Variants in GMDS observed in about 807,000 individuals in gnomAD.
GMDS encodes GDP-mannose 4,6 dehydratase.
In GMDS, 20 loss-of-function variants were observed where a neutral mutation model predicts 49.9. That is an observed-to-expected ratio of 0.40 (90% CI 0.28 to 0.58). GMDS has a LOEUF of 0.58. Among genes scored for constraint, GMDS ranks in the 20% least tolerant of loss-of-function variants. GMDS has a pLI of 0.42. For missense variants in GMDS, 362 were observed against 481.4 expected, an observed-to-expected ratio of 0.75 and a Z score of 2.32; for synonymous variants, 177 against 178.6, an observed-to-expected ratio of 0.99 and a Z score of 0.07.
rs542421435 is a variant in GMDS at position 1,997,507 on chromosome 6, CA to C, written c.346-36542del. Among the ~76,000 whole-genome samples the C allele has an allele frequency of 7.7e-3, 473 of 61,604 alleles. 2 individuals carry two copies. The highest frequency in any genetic ancestry group is 0.02 in the East Asian group (30 of 1,470). The allele number at this position is 61,604 out of a possible 152,430, so 40.4% of individuals were successfully genotyped here. A position where few individuals can be genotyped will look rare whatever the true frequency, so the allele number is the denominator to read the frequency against. ...TGGGAGACAGAGTGAGACTCTGTCTCAAAAAAAAAAAAAAAAAAAAGATGTG... is the reference window on the plus strand; with the variant it reads ...TGGGAGACAGAGTGAGACTCTGTCTCAAAAAAAAAAAAAAAAAAAGATGTG... On this transcript the variant is annotated intron_variant, in intron 4 of 10. Coordinates refer to ENST00000380815, the MANE Select transcript of GMDS (RefSeq NM_001500.4).
intron 1 of GMDS, among the ~76,000 whole-genome samples, chr6:2,227,999 C>T (rs760453651): frequency 2.0e-5 from 3 of 152,324 alleles, no homozygotes; most frequent in African/African-American, 4.8e-5. Flanking sequence ...GCTGGGTCTA[C>T]GCAGTGAAGT....
At chr6:1,950,755 G>A (rs1763297700) in intron 6 of GMDS, among the ~76,000 whole-genome samples, 2 of 152,184 alleles carry the variant, frequency 1.3e-5, no homozygotes, top group South Asian at 2.1e-4. Flanking sequence ...ATCTGTTACA[G>A]GTGGCATTCA....
intron 7 of GMDS, among the ~76,000 whole-genome samples, chr6:1,854,312 C>G (rs1213585027): frequency 1.3e-5 from 2 of 152,128 alleles, no homozygotes; most frequent in Non-Finnish European, 1.5e-5. Context: ...TTACTGCAAA[C>G]AAGGGCAAAA....
At chr6:2,115,670 A>G in intron 4 of GMDS, 101 bp downstream of exon 4, 1 of 708,176 alleles carries the variant, frequency 1.4e-6, no homozygotes, top group Non-Finnish European at 2.6e-6. Flanking sequence ...CTTGAAGACT[A>G]AGACCAGTGA....
At chr6:1,734,369 C>A (rs777492000) in intron 8 of GMDS, among the ~76,000 whole-genome samples, 2 of 152,198 alleles carry the variant, frequency 1.3e-5, no homozygotes, top group African/African-American at 4.8e-5. Flanking sequence ...ATTTCTCTAT[C>A]GTGGGGCCCT....
At chr6:2,183,303 C>CATTAACATAAGTTTGGAACTT (rs565863255) in intron 1 of GMDS, among the ~76,000 whole-genome samples, 3 of 152,106 alleles carry the variant, frequency 2.0e-5, no homozygotes, top group East Asian at 1.9e-4. Flanking sequence ...AAAATAGCAA[C>CATTAACATAAGTTTGGAACTT]ATTAACATAA....
intron 7 of GMDS, among the ~76,000 whole-genome samples, chr6:1,791,625 A>G (rs1769546278): frequency 3.3e-5 from 5 of 152,180 alleles, no homozygotes; most frequent in Admixed American, 3.3e-4. Context: ...GTTTTAAGTC[A>G]CTGGTTTTGT....
rs1485875719 is a variant in GMDS at position 1,952,013 on chromosome 6, A to T, written c.643+7854T>A. On this transcript the variant is annotated intron_variant, in intron 6 of 10. Transcript: ENST00000380815. ...AAATTCGTATATATGTTATTTCCAC[A>T]AATATGTACAATATTTACATGACTT... 4 of 978,960 alleles carry T rather than the reference A, an allele frequency of 4.1e-6. No homozygotes were observed. In the African/African-American group the frequency reaches 7.0e-5, roughly 17 times the overall value. The allele number at this position is 978,960 out of a possible 1,614,324, so 60.6% of individuals were successfully genotyped here.
intron 9 of GMDS, among the ~76,000 whole-genome samples, chr6:1,722,419 A>C (rs545513564): frequency 6.6e-6 from 1 of 151,776 alleles, no homozygotes; most frequent in Non-Finnish European, 1.5e-5. Flanking sequence ...TGCAATCTCC[A>C]CAAGGGTGGG....
intron 9 of GMDS, among the ~76,000 whole-genome samples, chr6:1,647,626 T>G (rs1004493526): frequency 6.6e-6 from 1 of 152,182 alleles, no homozygotes; most frequent in African/African-American, 2.4e-5. Context: ...GTAACTGCCA[T>G]GTAGTGTGAC....
chr6:1,926,771 T>C (rs1324415663), intron 7 of GMDS, among the ~76,000 whole-genome samples: 1 of 152,222 alleles, frequency 6.6e-6, no homozygotes, highest in Non-Finnish European at 1.5e-5. Flanking sequence ...TCTTACTGAA[T>C]AAACGTAATT....
chr6:1,917,489 C>T (rs1761463994), intron 7 of GMDS, among the ~76,000 whole-genome samples: 1 of 152,250 alleles, frequency 6.6e-6, no homozygotes, highest in Non-Finnish European at 1.5e-5. Flanking sequence ...TGACAAAGCA[C>T]TACAGGAATA....
Position 1,659,762 on chromosome 6 carries a change from C to A in GMDS, c.988-35222G>T, listed in dbSNP as rs74329303. Among the ~76,000 whole-genome samples the A allele has an allele frequency of 6.8e-3, 1,029 of 152,150 alleles. 2 individuals are homozygous for A. The highest frequency in any genetic ancestry group is 0.012 in the Non-Finnish European group (850 of 68,016). Reference sequence around the variant, plus strand: ...AACTTCAATGGTTCTCTCAGCAACACTGAATTACTTGAGAAAGACTTTGTT... The same window carrying A: ...AACTTCAATGGTTCTCTCAGCAACAATGAATTACTTGAGAAAGACTTTGTT... On this transcript the variant is annotated intron_variant, in intron 9 of 10. Transcript: ENST00000380815.
intron 1 of GMDS, among the ~76,000 whole-genome samples, chr6:2,171,709 C>T (rs1215538352): frequency 1.3e-5 from 2 of 152,102 alleles, no homozygotes; most frequent in Non-Finnish European, 2.9e-5. Flanking sequence ...TAGTGTGAAA[C>T]TATTTACCAC....
intron 4 of GMDS, among the ~76,000 whole-genome samples, chr6:1,967,437 A>G (rs1331904156): frequency 6.6e-6 from 1 of 152,220 alleles, no homozygotes; most frequent in East Asian, 1.9e-4. Flanking sequence ...AGGAAAGAAA[A>G]TGAGCTATGA....
chr6:1,661,558 C>T (rs569058636), intron 9 of GMDS, among the ~76,000 whole-genome samples: 15 of 152,212 alleles, frequency 9.9e-5, no homozygotes, highest in Non-Finnish European at 1.5e-4. Flanking sequence ...CCAGCACACA[C>T]GGAGGCGTGC....
chr6:1,757,463 G>A (rs996089813), intron 7 of GMDS, among the ~76,000 whole-genome samples: 1 of 152,210 alleles, frequency 6.6e-6, no homozygotes, highest in Non-Finnish European at 1.5e-5. Context: ...GCATGCAGGA[G>A]GAAGTTTCTT....
At chr6:2,076,827 A>G (rs969124394) in intron 4 of GMDS, among the ~76,000 whole-genome samples, 3 of 152,230 alleles carry the variant, frequency 2.0e-5, no homozygotes, top group African/African-American at 7.2e-5. Context: ...AACCTAGGCA[A>G]TACCATTCAG....
At chr6:2,065,791 C>T (rs573133617) in intron 4 of GMDS, among the ~76,000 whole-genome samples, 174 of 152,290 alleles carry the variant, frequency 1.1e-3, no homozygotes, top group Middle Eastern at 3.4e-3. Flanking sequence ...AAATCTACGT[C>T]TGATTGGTGT....
Sources: gnomAD v4.1 joint callset for allele counts (sites outside exome capture counted in the v4.1 genomes callset) on GRCh38, gnomAD v4.1.1 for gene constraint, MANE v1.5 for transcripts, NCBI Gene and HGNC (gene_info 2026-07-23, HGNC 2026-07-21) for gene names.